The following YAP1 variants were observed in gnomAD, a reference collection of about 807,000 sequenced individuals.
YAP1 encodes the protein transcriptional coactivator YAP1.
A neutral mutation model predicts 56.9 loss-of-function variants in YAP1; 5 were observed. The ratio of observed to expected loss-of-function variants is 0.09; its 90% CI spans 0.05 to 0.18. The LOEUF (loss-of-function observed/expected upper bound fraction) is 0.18, where lower values mean the gene tolerates loss of function less well. Among genes scored for constraint, YAP1 ranks in the 10% least tolerant of loss-of-function variants. The probability of loss-of-function intolerance (pLI) is 1.00; values close to 1 mark genes in which losing one functional copy is unlikely to be tolerated. For missense variants in YAP1, 539 were observed against 651.8 expected, an observed-to-expected ratio of 0.83 and a Z score of 1.88; for synonymous variants, 265 against 248.1, an observed-to-expected ratio of 1.07 and a Z score of -0.64.
chr11:102,171,604 C>A (rs1198773176), intron 3 of YAP1, among the ~76,000 whole-genome samples: 2 of 152,168 alleles, frequency 1.3e-5, no homozygotes, highest in African/African-American at 4.8e-5. Context: ...TAAGCCATTT[C>A]ATTGAGTTAA....
At chr11:102,191,436 T>C (rs1049407083) in intron 4 of YAP1, among the ~76,000 whole-genome samples, 24 of 152,130 alleles carry the variant, frequency 1.6e-4, no homozygotes, top group Non-Finnish European at 3.4e-4. Context: ...TCAGGGAAAT[T>C]ATACCCAAGG....
chr11:102,205,409 A>G (rs1030231656), intron 4 of YAP1, among the ~76,000 whole-genome samples: 1 of 152,202 alleles, frequency 6.6e-6, no homozygotes, highest in African/African-American at 2.4e-5. Context: ...ATAAGAAGTA[A>G]TGAATTTGCA....
At chr11:102,120,457 A>G (rs78558897) in intron 2 of YAP1, among the ~76,000 whole-genome samples, 2,369 of 152,312 alleles carry the variant, frequency 0.016, 27 homozygotes, top group Middle Eastern at 0.054. Flanking sequence ...AGTATCTATT[A>G]TTTGGGTTTT....
chr11:102,222,249 A>G (rs1320480806), intron 6 of YAP1, among the ~76,000 whole-genome samples: 3 of 152,196 alleles, frequency 2.0e-5, no homozygotes, highest in African/African-American at 7.2e-5. Flanking sequence ...GAGTCAGGCC[A>G]GTATCCTTTG....
chr11:102,204,981 A>G (rs966817960), intron 4 of YAP1, among the ~76,000 whole-genome samples: 6 of 152,162 alleles, frequency 3.9e-5, no homozygotes, highest in Non-Finnish European at 8.8e-5. Flanking sequence ...CTTAAGTTGA[A>G]TATGTATCTG....
At chr11:102,126,704 A>C (rs1321166449) in intron 2 of YAP1, among the ~76,000 whole-genome samples, 1 of 152,198 alleles carries the variant, frequency 6.6e-6, no homozygotes, top group Non-Finnish European at 1.5e-5. Context: ...AAAAATACCC[A>C]AAAATTTGGA....
At chr11:102,165,625 T>C (rs1296298664) in intron 3 of YAP1, among the ~76,000 whole-genome samples, 2 of 152,104 alleles carry the variant, frequency 1.3e-5, no homozygotes, top group African/African-American at 2.4e-5. Flanking sequence ...GGCTTGAGCA[T>C]GTTTACAGCG....
chr11:102,140,958 T>G (rs913784871), intron 2 of YAP1, among the ~76,000 whole-genome samples: 4 of 152,212 alleles, frequency 2.6e-5, no homozygotes, highest in African/African-American at 9.6e-5. Context: ...TCTAGTTCTG[T>G]TACATAAATT....
intron 3 of YAP1, among the ~76,000 whole-genome samples, chr11:102,169,794 T>C (rs1198798354): frequency 6.6e-6 from 1 of 152,208 alleles, no homozygotes; most frequent in African/African-American, 2.4e-5. Flanking sequence ...GTTTGTTTTA[T>C]ATAGCTTGTG....
intron 3 of YAP1, among the ~76,000 whole-genome samples, chr11:102,182,533 C>T (rs1206770849): frequency 6.6e-6 from 1 of 152,202 alleles, no homozygotes; most frequent in Non-Finnish European, 1.5e-5. Flanking sequence ...AAGAGAATGA[C>T]TTGGAATCCT....
chr11:102,134,363 T>C (rs1008467891), intron 2 of YAP1, among the ~76,000 whole-genome samples: 1 of 151,994 alleles, frequency 6.6e-6, no homozygotes, highest in African/African-American at 2.4e-5. Context: ...TGTGCAGATA[T>C]ACGATTGAGA....
chr11:102,122,037 A>G (rs2135166533), intron 2 of YAP1, among the ~76,000 whole-genome samples: 1 of 152,242 alleles, frequency 6.6e-6, no homozygotes, highest in South Asian at 2.1e-4. Flanking sequence ...GACTCAGGTG[A>G]ACCTTAGGCA....
intron 6 of YAP1, among the ~76,000 whole-genome samples, chr11:102,218,046 A>G (rs375941571): frequency 6.8e-4 from 104 of 152,312 alleles, no homozygotes; most frequent in Middle Eastern, 6.8e-3. Flanking sequence ...AGGTGTACAC[A>G]CATGTCAAAA....
chr11:102,191,100 G>A (rs1175852354), intron 4 of YAP1, among the ~76,000 whole-genome samples: 1 of 151,828 alleles, frequency 6.6e-6, no homozygotes, highest in East Asian at 1.9e-4. Flanking sequence ...TTGAACCTGG[G>A]AGGCAGAGGT....
rs561430916 is a variant in YAP1 at position 102,132,759 on chromosome 11, C to G, written c.572+18365C>G. Among the ~76,000 whole-genome samples the G allele has an allele frequency of 2.6e-5, 4 of 152,144 alleles. No individual in the cohort carries two copies. In the East Asian group the frequency reaches 7.7e-4, roughly 29 times the overall value. On this transcript the variant is annotated intron_variant, in intron 2 of 8. Coordinates refer to ENST00000282441, the MANE Select transcript of YAP1 (RefSeq NM_001130145.3). ...AGAATTGTGCAAAGTGAATATAAAC[C>G]GTTTACACACATTGGTTACTCTTGT...
intron 2 of YAP1, among the ~76,000 whole-genome samples, chr11:102,124,908 T>A (rs1020452559): frequency 6.6e-6 from 1 of 152,116 alleles, no homozygotes; most frequent in Admixed American, 6.6e-5. Flanking sequence ...GGCTAAGTAT[T>A]TGTGTTTTTG....
intron 6 of YAP1, among the ~76,000 whole-genome samples, chr11:102,213,657 G>C (rs891841521): frequency 2.0e-5 from 3 of 152,166 alleles, no homozygotes; most frequent in African/African-American, 7.2e-5. Context: ...CCACTGCCTT[G>C]TTGCTGTTAT....
rs188647215 is a variant in YAP1, at chr11:102,194,142, A to G, written c.802+8011A>G. On this transcript the variant is annotated intron_variant, in intron 4 of 8. Coordinates refer to ENST00000282441, the MANE Select transcript of YAP1 (RefSeq NM_001130145.3). ...TTTTAAAAGGAAACTTTTTCAAGTTATATTTGTATTAACTCTGTATTAACA... is the reference window on the plus strand; with the variant it reads ...TTTTAAAAGGAAACTTTTTCAAGTTGTATTTGTATTAACTCTGTATTAACA... Among the ~76,000 whole-genome samples the G allele has an allele frequency of 6.6e-5, 10 of 152,348 alleles. No homozygotes were observed. In the East Asian group the frequency reaches 1.4e-3, roughly 21 times the overall value.
intron 2 of YAP1, among the ~76,000 whole-genome samples, chr11:102,153,291 A>T (rs937983949): frequency 6.6e-6 from 1 of 152,158 alleles, no homozygotes; most frequent in Non-Finnish European, 1.5e-5. Flanking sequence ...TTTCCACAGT[A>T]TCACAGATAT....
Sources: gnomAD v4.1 joint callset for allele counts (sites outside exome capture counted in the v4.1 genomes callset) on GRCh38, gnomAD v4.1.1 for gene constraint, MANE v1.5 for transcripts, NCBI Gene and HGNC (gene_info 2026-07-23, HGNC 2026-07-21) for gene names.